ZNF446: variants seen among roughly 807,000 people sequenced by gnomAD.
ZNF446 encodes the protein zinc finger protein 446, also known as zinc finger protein with KRAB and SCAN domains 20.
A neutral mutation model predicts 34.0 loss-of-function variants in ZNF446; 42 were observed. The ratio of observed to expected loss-of-function variants is 1.23; its 90% confidence interval spans 0.96 to 1.60. The LOEUF is 1.60. ZNF446 is among the 40% of genes most tolerant of loss of function. ZNF446 has a pLI of 0.00. For synonymous variants in ZNF446, 315 were observed against 251.0 expected (o/e 1.25, Z -2.41); for missense variants, 650 against 600.2 (o/e 1.08, Z -0.87).
At chr19:58,483,721 A>G (rs1169554509), downstream of ZNF446, 2 of 151,952 alleles carry the variant, frequency 1.3e-5, no homozygotes, top group African/African-American at 4.9e-5. Flanking sequence ...AATAACTGCA[A>G]ATATTCACAA....
At chr19:58,484,093 A>G (rs1277139073), downstream of ZNF446, among the ~76,000 whole-genome samples, 1 of 152,000 alleles carries the variant, frequency 6.6e-6, no homozygotes, top group Non-Finnish European at 1.5e-5. Flanking sequence ...AACTTATTGT[A>G]CAATTCTGGA....
chr19:58,480,035 C>T lies in ZNF446; in HGVS notation c.802+16C>T. The T allele has an allele frequency of 6.4e-7, 1 of 1,574,212 alleles. No homozygotes were observed. Among genetic ancestry groups the T allele is most frequent in the Non-Finnish European group, 8.6e-7 (1 of 1,164,966 alleles). ...CTGCGCTCGGGTGAGTGCCCCACAC[C>T]ATCCAGCCTGAATCACCCCTCCTGT... On this transcript the variant is annotated intron_variant, in intron 6 of 6. Transcript: ENST00000594369. This position sits in a 1 kb window ranked among gnomAD's most constrained non-coding sequence, Gnocchi z 7.2.
Position 58,479,753 on chromosome 19 carries a change from C to A in ZNF446, c.712+26C>A, listed in dbSNP as rs768694775. On this transcript the variant is annotated intron_variant, in intron 5 of 6. Coordinates refer to ENST00000594369, the MANE Select transcript of ZNF446 (RefSeq NM_017908.4). ...GTGAGGACCAGCCAGCCCCACCCCG[C>A]CCCTCTCCCTGGGGCCTGCACCCAC... 5.0e-6 allele frequency: 8 copies of A among 1,603,856 alleles called. No individual in the cohort carries two copies. In the African/African-American group the frequency reaches 1.1e-4, roughly 21 times the overall value.
chr19:58,484,374 G>C (rs1157559455), downstream of ZNF446, among the ~76,000 whole-genome samples: 5 of 151,382 alleles, frequency 3.3e-5, no homozygotes, highest in African/African-American at 9.7e-5. Context: ...GCTGAGGCAG[G>C]AGGATCACTT....
At chr19:58,476,812 C>T (rs2304521) in intron 1 of ZNF446, among the ~76,000 whole-genome samples, 24,420 of 152,032 alleles carry the variant, frequency 0.16, 2,590 homozygotes, top group African/African-American at 0.29. Context: ...GGTCCACTCT[C>T]CTCGCACCTC....
intron 4 of ZNF446, among the ~76,000 whole-genome samples, chr19:58,478,850 G>C (rs142170240): frequency 1.3e-5 from 2 of 151,990 alleles, no homozygotes; most frequent in Admixed American, 6.6e-5. Context: ...GGGAGAAGAT[G>C]ACCAGCTGTG....
At chr19:58,479,595 GC>G in intron 4 of ZNF446, 47 bp from the exon 5 acceptor site, 1 of 1,594,148 alleles carries the variant, frequency 6.3e-7, no homozygotes, top group Non-Finnish European at 8.6e-7. Context: ...ACCAGACAGG[GC>G]AGGGAAGGGG....
chr19:58,486,627 C>A, the ZNF446 span, among the ~76,000 whole-genome samples: 1 of 150,262 alleles, frequency 6.7e-6, no homozygotes, highest in Non-Finnish European at 1.5e-5. Context: ...AGGCTGGTCT[C>A]AAACTCCTGA....
chr19:58,480,978 G>T lies in ZNF446; in HGVS notation c.*252G>T. ...TCCCTTCTATGGCTGACCAGTGCCT[G>T]TGGGGTGACTGCCAAGCACCAGGCT... is the stretch of plus-strand genomic sequence containing the variant. On this transcript the variant is annotated 3_prime_UTR_variant, in exon 7 of 7. Transcript: ENST00000594369. This position sits in a 1 kb window ranked among gnomAD's most constrained non-coding sequence, Gnocchi z 7.2. 1 of 530,558 alleles carries T rather than the reference G, an allele frequency of 1.9e-6. No homozygotes were observed. The highest frequency in any genetic ancestry group is 3.4e-6 in the Non-Finnish European group (1 of 297,084). 32.9% of individuals were successfully genotyped at this position (530,558 alleles called of 1,614,324 possible).
chr19:58,483,954 G>C (rs1036111244), downstream of ZNF446: 2 of 152,160 alleles, frequency 1.3e-5, no homozygotes, highest in Non-Finnish European at 2.9e-5. Context: ...GCAGTACCCA[G>C]TGCTATGATT....
chr19:58,484,928 C>T (rs1447740877), downstream of ZNF446, among the ~76,000 whole-genome samples: 2 of 151,980 alleles, frequency 1.3e-5, no homozygotes, highest in African/African-American at 4.8e-5. Flanking sequence ...TGTGGTGGTG[C>T]ACGCCTGTTG....
Position 58,479,269 on chromosome 19 carries a change from C to T in ZNF446, c.628-374C>T, listed in dbSNP as rs565848975. ...CTTCCTGCCCCTGGACTTGCCACAGCTTGTCCCTCAGGATTATTTTTCCCA... is the reference window on the plus strand; with the variant it reads ...CTTCCTGCCCCTGGACTTGCCACAGTTTGTCCCTCAGGATTATTTTTCCCA... On this transcript the variant is annotated intron_variant, in intron 4 of 6. Transcript: ENST00000594369. Among the ~76,000 whole-genome samples the T allele has an allele frequency of 8.5e-5, 13 of 152,300 alleles. 1 individual carries two copies. The South Asian group carries it at 2.5e-3, about 29-fold the overall frequency.
chr19:58,487,661 T>A, the ZNF446 span, among the ~76,000 whole-genome samples: 1 of 151,786 alleles, frequency 6.6e-6, no homozygotes, highest in Non-Finnish European at 1.5e-5. Flanking sequence ...ATATAAAAAT[T>A]AGCCAGCCGT....
intron 1 of ZNF446, among the ~76,000 whole-genome samples, chr19:58,476,874 C>T (rs1036705675): frequency 1.3e-5 from 2 of 152,138 alleles, no homozygotes; most frequent in Non-Finnish European, 2.9e-5. Flanking sequence ...TGATGACTGT[C>T]TTTCTCCACC....
chr19:58,478,115 G>A lies in ZNF446; in HGVS notation c.561G>A (p.Gln187=). The A allele has an allele frequency of 6.2e-7, 1 of 1,613,924 alleles. No homozygotes were observed. The highest frequency in any genetic ancestry group is 8.5e-7 in the Non-Finnish European group (1 of 1,179,872). The change falls in exon 4 of 7, where the codon CAG becomes CAA. Residue 187 remains glutamine, a synonymous_variant. Coordinates refer to ENST00000594369, the MANE Select transcript of ZNF446 (RefSeq NM_017908.4). ...VAPSSPPLAA[Q]SPEGNHGHQE... ...CCTCCAGCCCTCCACTTGCAGCACA[G>A]TCCCCTGAGGGGAACCATGGACACC...
chr19:58,477,755 CCAGAA>C lies in ZNF446; in HGVS notation c.462_466del (p.Ile156GlyfsTer33). 1 of 1,612,106 alleles carries C rather than the reference CCAGAA, an allele frequency of 6.2e-7. No individual in the cohort carries two copies. Among genetic ancestry groups the C allele is most frequent in the Non-Finnish European group, 8.5e-7 (1 of 1,179,204 alleles). On this transcript the variant is annotated frameshift_variant, in exon 3 of 7. Transcript: ENST00000594369. LOFTEE classifies it high-confidence loss of function. The stretch of plus-strand genomic sequence containing the variant: ...TCCCCTGGGGAAGGTCCCCAGGACA[CCAGAA>C]TAGAGGGGTCTGTCCAGCTCAGCTG...
At chr19:58,487,820 T>G in the ZNF446 span, among the ~76,000 whole-genome samples, 1 of 151,950 alleles carries the variant, frequency 6.6e-6, no homozygotes, top group African/African-American at 2.4e-5. Flanking sequence ...AAAAACAAAT[T>G]AACTACAAAT....
chr19:58,481,738 G>A (rs1231405977), downstream of ZNF446, among the ~76,000 whole-genome samples: 1 of 152,170 alleles, frequency 6.6e-6, no homozygotes, highest in Non-Finnish European at 1.5e-5. Context: ...AGCTCTGAAG[G>A]TCAGAACTCT....
At position 58,480,852 on chromosome 19, in the gene ZNF446, G is replaced by C; in HGVS notation, c.*126G>C. 2 of 1,175,630 alleles carry C rather than the reference G, an allele frequency of 1.7e-6. No individual in the cohort carries two copies. Among genetic ancestry groups the C allele is most frequent in the Non-Finnish European group, 2.4e-6 (2 of 848,328 alleles). The allele number at this position is 1,175,630 out of a possible 1,614,324, so 72.8% of individuals were successfully genotyped here. On this transcript the variant is annotated 3_prime_UTR_variant, in exon 7 of 7. Transcript: ENST00000594369. This position sits in a 1 kb window ranked among gnomAD's most constrained non-coding sequence, Gnocchi z 7.2. ...AGAGTGAACAAGGGGTCCCAAGCCA[G>C]TTCCCTGCCCCTGGTCTGGTCTCCC...
Sources: gnomAD v4.1 joint callset for allele counts (sites outside exome capture counted in the v4.1 genomes callset) on GRCh38, gnomAD v4.1.1 for gene constraint, Gnocchi (gnomAD v3.1) non-coding constraint, MANE v1.5 for transcripts, NCBI Gene and HGNC (gene_info 2026-07-23, HGNC 2026-07-21) for gene names.